SHC3: variants seen among roughly 807,000 people sequenced by gnomAD.
The protein encoded by SHC3 is SHC-transforming protein 3.
SHC3 carries 15 observed loss-of-function variants against 60.4 expected under a neutral mutation model. The observed-to-expected ratio is 0.25, with a 90% CI of 0.17 to 0.38. The LOEUF is 0.38. SHC3 is among the 10% of genes least tolerant of loss of function. The pLI, the probability that SHC3 is intolerant of heterozygous loss-of-function variation, is 1.00. For missense variants in SHC3, 677 were observed against 786.1 expected (o/e 0.86, Z 1.66); for synonymous variants, 294 against 325.9 (o/e 0.90, Z 1.05).
chr9:89,104,784 C>G (rs1235400746), intron 2 of SHC3, among the ~76,000 whole-genome samples: 2 of 152,150 alleles, frequency 1.3e-5, no homozygotes, highest in African/African-American at 4.8e-5. Context: ...CTTTCCCCAC[C>G]CCATCCCACC....
intron 5 of SHC3, among the ~76,000 whole-genome samples, chr9:89,069,168 G>A (rs1274665636): frequency 6.6e-6 from 1 of 152,128 alleles, no homozygotes; most frequent in African/African-American, 2.4e-5. Flanking sequence ...AGTTAGCCAG[G>A]CATGGTGGTG....
At chr9:89,060,097 G>A (rs1825057072) in intron 6 of SHC3, among the ~76,000 whole-genome samples, 1 of 150,066 alleles carries the variant, frequency 6.7e-6, no homozygotes, top group South Asian at 2.1e-4. Flanking sequence ...GTTAGGAGGT[G>A]GTGGAGGATG....
rs1825987778 is a variant in SHC3, at chr9:89,009,528, A to G, written c.*3919T>C. 1 of 152,158 alleles carries G rather than the reference A, an allele frequency of 6.6e-6. No individual in the cohort carries two copies. The highest frequency in any genetic ancestry group is 1.5e-5 in the Non-Finnish European group (1 of 68,032). The allele number at this position is 152,158 out of a possible 1,614,324, so 9.4% of individuals were successfully genotyped here. On this transcript the variant is annotated 3_prime_UTR_variant, in exon 12 of 12. Coordinates refer to ENST00000375835, the MANE Select transcript of SHC3 (RefSeq NM_016848.6). ...AATTTTAGAAAATCATTGCGCTTAT[A>G]TGTTTCATATATTTGTCAATCCCCA...
At chr9:89,117,214 C>A (rs545176134) in intron 1 of SHC3, among the ~76,000 whole-genome samples, 1 of 152,182 alleles carries the variant, frequency 6.6e-6, no homozygotes, top group Admixed American at 6.5e-5. Flanking sequence ...CCAGCACCAA[C>A]GTCGCAGACC....
At chr9:89,111,236 C>T (rs752949511) in intron 2 of SHC3, among the ~76,000 whole-genome samples, 9 of 152,208 alleles carry the variant, frequency 5.9e-5, no homozygotes, top group Non-Finnish European at 1.0e-4. Flanking sequence ...GAATGGTTGA[C>T]AGTTCTCTCC....
chr9:89,052,078 T>C lies in SHC3; in HGVS notation c.921A>G (p.Gln307=). 1 of 1,614,112 alleles carries C rather than the reference T, an allele frequency of 6.2e-7. No homozygotes were observed. The highest frequency in any genetic ancestry group is 8.5e-7 in the Non-Finnish European group (1 of 1,179,976). Residue 307 remains glutamine, a synonymous_variant, in exon 7 of 12, where the codon CAA becomes CAG. Transcript: ENST00000375835. The part of the protein sequence containing the change: ...IGQAFELRFK[Q]YLQCPTKIPA... ...GAATCTTGGTAGGACACTGTAAATA[T>C]TGCTTAAACCGGAGCTCAAAGGCTT...
At chr9:89,121,296 T>G (rs897695493) in intron 1 of SHC3, among the ~76,000 whole-genome samples, 2 of 152,138 alleles carry the variant, frequency 1.3e-5, no homozygotes, top group African/African-American at 4.8e-5. Flanking sequence ...TTTCTATTTT[T>G]TTTTTTTTCT....
intron 10 of SHC3, among the ~76,000 whole-genome samples, chr9:89,038,919 G>A (rs1327598235): frequency 6.6e-6 from 1 of 152,210 alleles, no homozygotes; most frequent in South Asian, 2.1e-4. Flanking sequence ...GAGTGCCTGA[G>A]ACCATACTTG....
At chr9:89,070,953 G>C (rs1825260386) in intron 5 of SHC3, among the ~76,000 whole-genome samples, 1 of 152,206 alleles carries the variant, frequency 6.6e-6, no homozygotes, top group Admixed American at 6.5e-5. Context: ...AAGAACGCCA[G>C]TGCCTCCAGG....
chr9:89,041,151 T>C (rs1451807245), intron 10 of SHC3, among the ~76,000 whole-genome samples: 1 of 152,248 alleles, frequency 6.6e-6, no homozygotes, highest in East Asian at 1.9e-4. Context: ...TCTCGAGGAA[T>C]ATGAAAAGCA....
At chr9:89,175,636 G>T (rs1826931874) in intron 1 of SHC3, among the ~76,000 whole-genome samples, 1 of 152,060 alleles carries the variant, frequency 6.6e-6, no homozygotes. Context: ...AAAACATTTG[G>T]GGGCTTTATT....
chr9:89,138,775 T>C (rs1826353656), intron 1 of SHC3, among the ~76,000 whole-genome samples: 1 of 152,198 alleles, frequency 6.6e-6, no homozygotes, highest in Non-Finnish European at 1.5e-5. Flanking sequence ...AAGATCCATC[T>C]TCTGTAACTT....
intron 1 of SHC3, among the ~76,000 whole-genome samples, chr9:89,120,597 C>G (rs758456027): frequency 6.6e-6 from 1 of 152,138 alleles, no homozygotes; most frequent in Non-Finnish European, 1.5e-5. Flanking sequence ...TTTGATGAAG[C>G]CTTCTTGGAA....
chr9:89,080,580 C>A (rs1023712382), intron 2 of SHC3, among the ~76,000 whole-genome samples: 12 of 151,756 alleles, frequency 7.9e-5, no homozygotes, highest in African/African-American at 2.7e-4. Context: ...AAAGAGATAC[C>A]CAAGAAGCAG....
intron 11 of SHC3, among the ~76,000 whole-genome samples, chr9:89,021,828 C>T (rs1221926847): frequency 6.6e-6 from 1 of 152,152 alleles, no homozygotes; most frequent in African/African-American, 2.4e-5. Context: ...CACACACAGC[C>T]CTACCTGGAT....
At chr9:89,108,453 A>G (rs1421927855) in intron 2 of SHC3, among the ~76,000 whole-genome samples, 1 of 152,118 alleles carries the variant, frequency 6.6e-6, no homozygotes, top group African/African-American at 2.4e-5. Context: ...CCTGGGAGGC[A>G]GAGGTTGCAG....
At chr9:89,124,368 A>T (rs1345259775) in intron 1 of SHC3, among the ~76,000 whole-genome samples, 3 of 152,228 alleles carry the variant, frequency 2.0e-5, no homozygotes, top group South Asian at 4.1e-4. Context: ...AAATCATTCT[A>T]CTATAAAGAC....
intron 6 of SHC3, among the ~76,000 whole-genome samples, chr9:89,059,690 A>T (rs1825039992): frequency 8.1e-6 from 1 of 123,952 alleles, no homozygotes; most frequent in African/African-American, 3.0e-5. Flanking sequence ...GTGGTGGAGG[A>T]TGGTGGTGGA....
intron 1 of SHC3, among the ~76,000 whole-genome samples, chr9:89,150,112 G>A (rs114005803): frequency 1.6e-3 from 249 of 152,138 alleles, no homozygotes; most frequent in African/African-American, 5.5e-3. Flanking sequence ...AGTTATTGTC[G>A]TTAATCCCTT....
Sources: gnomAD v4.1 joint callset for allele counts (sites outside exome capture counted in the v4.1 genomes callset) on GRCh38, gnomAD v4.1.1 for gene constraint, MANE v1.5 for transcripts, NCBI Gene and HGNC (gene_info 2026-07-23, HGNC 2026-07-21) for gene names.